CDYL2: variants seen among roughly 807,000 people sequenced by gnomAD.
The protein encoded by CDYL2 is chromodomain Y like 2.
In CDYL2, 23 loss-of-function variants were observed where a neutral mutation model predicts 49.4. The ratio of observed to expected loss-of-function variants is 0.47; its 90% CI spans 0.34 to 0.66. The LOEUF is 0.66. Ranked by LOEUF, CDYL2 falls within the 30% of genes least tolerant of loss-of-function variation. The probability of loss-of-function intolerance (pLI) is 0.01; values close to 1 mark genes in which losing one functional copy is unlikely to be tolerated. For synonymous variants in CDYL2, 360 were observed against 268.8 expected (o/e 1.34, Z -3.32); for missense variants, 678 against 656.4 (o/e 1.03, Z -0.36).
intron 1 of CDYL2, among the ~76,000 whole-genome samples, chr16:80,785,596 G>C (rs530023740): frequency 1.3e-5 from 2 of 152,150 alleles, no homozygotes; most frequent in East Asian, 1.9e-4. Context: ...TTTTTTCAAA[G>C]AACTGGAAAA....
At chr16:80,651,201 A>G (rs1908567603) in intron 2 of CDYL2, among the ~76,000 whole-genome samples, 1 of 152,206 alleles carries the variant, frequency 6.6e-6, no homozygotes, top group African/African-American at 2.4e-5. Context: ...TCCCTGTATC[A>G]AAACATCCCA....
chr16:80,688,210 C>G (rs1284109767), intron 1 of CDYL2, among the ~76,000 whole-genome samples: 1 of 152,170 alleles, frequency 6.6e-6, no homozygotes, highest in Non-Finnish European at 1.5e-5. Flanking sequence ...GTTCTTCTAC[C>G]TCTGGTCCCA....
intron 1 of CDYL2, among the ~76,000 whole-genome samples, chr16:80,789,077 C>G (rs1449818734): frequency 6.6e-6 from 1 of 152,056 alleles, no homozygotes; most frequent in East Asian, 1.9e-4. Flanking sequence ...GAGATATCAT[C>G]TTAAACCAGT....
At chr16:80,635,534 C>G (rs544069687) in intron 2 of CDYL2, among the ~76,000 whole-genome samples, 1 of 152,092 alleles carries the variant, frequency 6.6e-6, no homozygotes. Context: ...TCAAGAAGAA[C>G]CACACACCAC....
intron 1 of CDYL2, among the ~76,000 whole-genome samples, chr16:80,780,608 T>C (rs1361829049): frequency 6.6e-6 from 1 of 152,018 alleles, no homozygotes; most frequent in Non-Finnish European, 1.5e-5. Context: ...GGTTTCACCG[T>C]GTTAGCCAGG....
At chr16:80,706,159 A>G (rs1904397489) in intron 1 of CDYL2, among the ~76,000 whole-genome samples, 1 of 152,238 alleles carries the variant, frequency 6.6e-6, no homozygotes, top group Non-Finnish European at 1.5e-5. Context: ...ACATGCCAAC[A>G]TCAAAAGCTA....
rs534693587 is a variant in CDYL2, at chr16:80,802,602, G to C, written c.24+1548C>G. ...GAGGACGGCCACAGGGTAGTGAAGA[G>C]GGCAACATACACCATTCTTTCAAGG... On this transcript the variant is annotated intron_variant, in intron 1 of 6. Transcript: ENST00000570137. Among the ~76,000 whole-genome samples, 3 of 152,256 alleles carry C rather than the reference G, an allele frequency of 2.0e-5. No homozygotes were observed. In the South Asian group the frequency reaches 6.2e-4, roughly 32 times the overall value.
At chr16:80,631,944 C>G (rs7198464) in intron 3 of CDYL2, among the ~76,000 whole-genome samples, 1 of 152,106 alleles carries the variant, frequency 6.6e-6, no homozygotes, top group Non-Finnish European at 1.5e-5. Context: ...CTGGTCAGAA[C>G]GTAAAATGGG....
At chr16:80,629,693 T>C (rs995938612) in intron 3 of CDYL2, among the ~76,000 whole-genome samples, 1 of 152,354 alleles carries the variant, frequency 6.6e-6, no homozygotes, top group South Asian at 2.1e-4. Flanking sequence ...ATCTACTTAA[T>C]GCACACAGTA....
At chr16:80,731,983 G>T (rs79667780) in intron 1 of CDYL2, among the ~76,000 whole-genome samples, 3,017 of 151,890 alleles carry the variant, frequency 0.02, 27 homozygotes, top group African/African-American at 0.029. Flanking sequence ...GATGCACTAG[G>T]CCGCAAGGAA....
intron 1 of CDYL2, among the ~76,000 whole-genome samples, chr16:80,710,640 G>C (rs747369236): frequency 5.3e-5 from 8 of 152,078 alleles, no homozygotes; most frequent in Non-Finnish European, 1.2e-4. Context: ...TGAAAACAAG[G>C]ACACAGAGGA....
intron 2 of CDYL2, among the ~76,000 whole-genome samples, chr16:80,648,380 C>CA (rs1382217106): frequency 7.2e-5 from 11 of 151,940 alleles, no homozygotes; most frequent in African/African-American, 2.4e-4. Flanking sequence ...CAATTATATG[C>CA]AATAAAGTGG....
intron 1 of CDYL2, 139 bp downstream of exon 1, chr16:80,804,011 G>GGCC (rs899041883): frequency 3.1e-4 from 118 of 384,044 alleles, no homozygotes; most frequent in South Asian, 2.4e-3. Flanking sequence ...GCCACCCTCC[G>GGCC]GCCGCCGCCG....
In CDYL2 at chr16:80,652,033, A is replaced by G. The variant is rs140490172; in HGVS notation, c.617-18797T>C. Among the ~76,000 whole-genome samples, 318 of 152,350 alleles carry G rather than the reference A, an allele frequency of 2.1e-3. 1 individual carries two copies. The highest frequency in any genetic ancestry group is 7.4e-3 in the African/African-American group (307 of 41,584). ...GATGCAGATAAAGATGGCTGCATAC[A>G]GAAATATCTATAGATAAGGGTATAT... is the stretch of plus-strand genomic sequence containing the variant. On this transcript the variant is annotated intron_variant, in intron 2 of 6. Coordinates refer to ENST00000570137, the MANE Select transcript of CDYL2 (RefSeq NM_152342.4).
chr16:80,701,740 A>G (rs1904302036), intron 1 of CDYL2, among the ~76,000 whole-genome samples: 1 of 152,258 alleles, frequency 6.6e-6, no homozygotes, highest in Non-Finnish European at 1.5e-5. Context: ...CGATAAATGT[A>G]ACGCAGTTTA....
Position 80,611,211 on chromosome 16 carries a change from T to A in CDYL2, c.1218+1415A>T, listed in dbSNP as rs548936343. The stretch of plus-strand genomic sequence containing the variant: ...GAATAGAAGGTCTGAAGAGCAGGGT[T>A]TTTGTTCACCCCTGCACTCCTGGTG... On this transcript the variant is annotated intron_variant, in intron 5 of 6. Coordinates refer to ENST00000570137, the MANE Select transcript of CDYL2 (RefSeq NM_152342.4). Among the ~76,000 whole-genome samples, 509 of 152,238 alleles carry A rather than the reference T, an allele frequency of 3.3e-3. 2 individuals are homozygous for A. The highest frequency in any genetic ancestry group is 0.011 in the African/African-American group (475 of 41,540).
intron 1 of CDYL2, among the ~76,000 whole-genome samples, chr16:80,777,077 C>T (rs1293876455): frequency 6.6e-6 from 1 of 152,078 alleles, no homozygotes; most frequent in Non-Finnish European, 1.5e-5. Context: ...CCGCCTTGGC[C>T]TCCCAAAGTG....
intron 1 of CDYL2, among the ~76,000 whole-genome samples, chr16:80,707,767 A>C (rs1904456028): frequency 6.6e-6 from 1 of 152,168 alleles, no homozygotes; most frequent in East Asian, 1.9e-4. Context: ...GCAGCCTCAT[A>C]AGTGAGGGGA....
intron 1 of CDYL2, among the ~76,000 whole-genome samples, chr16:80,699,969 A>G (rs1024769547): frequency 2.0e-5 from 3 of 151,078 alleles, no homozygotes; most frequent in Non-Finnish European, 4.4e-5. Context: ...CCTGATTCAC[A>G]CCACTCTCCT....
Sources: gnomAD v4.1 joint callset for allele counts (sites outside exome capture counted in the v4.1 genomes callset) on GRCh38, gnomAD v4.1.1 for gene constraint, MANE v1.5 for transcripts, NCBI Gene and HGNC (gene_info 2026-07-23, HGNC 2026-07-21) for gene names.